The following SRD5A3 variants were observed in gnomAD, a reference collection of about 807,000 sequenced individuals.
SRD5A3 encodes polyprenal reductase.
SRD5A3 carries 24 observed loss-of-function variants against 34.3 expected under a neutral mutation model. That is an observed-to-expected ratio of 0.70 (90% confidence interval 0.51 to 0.99). The LOEUF (loss-of-function observed/expected upper bound fraction) is 0.99, where lower values mean the gene tolerates loss of function less well. SRD5A3 is among the 50% of genes least tolerant of loss of function. SRD5A3 has a pLI of 0.00. For missense variants in SRD5A3, 350 were observed against 388.2 expected, an observed-to-expected ratio of 0.90 and a Z score of 0.83; for synonymous variants, 161 against 167.3, an observed-to-expected ratio of 0.96 and a Z score of 0.29.
At position 55,369,931 on chromosome 4, in the gene SRD5A3, T is replaced by A; in HGVS notation, c.797T>A (p.Met266Lys). The A allele has an allele frequency of 6.2e-7, 1 of 1,614,212 alleles. No individual in the cohort carries two copies. The highest frequency in any genetic ancestry group is 1.1e-5 in the South Asian group (1 of 91,080). ...GCAGAGCTGATGATCTACGTTTCCA[T>A]GGCCGTCACCTTTGGGTTCCACAAC... ...YLAELMIYVS[M>K]AVTFGFHNLT... Residue 266 changes from methionine (M) to lysine (K), a missense_variant, in exon 5 of 5, where the codon ATG (methionine) becomes AAG (lysine). Physicochemically the swap from Met to Lys is moderately conservative, Grantham distance 95. This residue lies in a region of SRD5A3 where 186 missense variants were observed against 221.4 expected (regional missense o/e 0.84). Transcript: ENST00000264228.
In SRD5A3 at chr4:55,361,821, C is replaced by T. The variant is rs544287143; in HGVS notation, c.365-2253C>T. On this transcript the variant is annotated intron_variant, in intron 2 of 4. Coordinates refer to ENST00000264228, the MANE Select transcript of SRD5A3 (RefSeq NM_024592.5). ...TCCATCTAAAAAAAAAGAGCAAACC[C>T]GTGGACATCCTCTTTGGAAGGGTAG... Among the ~76,000 whole-genome samples the T allele has an allele frequency of 3.9e-5, 6 of 151,950 alleles. No homozygotes were observed. The South Asian group carries it at 1.2e-3, about 32-fold the overall frequency.
rs1197095728 is a variant in SRD5A3, at chr4:55,360,150, G to A, written c.364+662G>A. On this transcript the variant is annotated intron_variant, in intron 2 of 4. Transcript: ENST00000264228. ...GAATGGCATGAACCCGAGAGGCGGA[G>A]CTTGCAGTGAGCTGAGATCGGGCCA... Among the ~76,000 whole-genome samples the A allele has an allele frequency of 4.0e-5, 6 of 151,402 alleles. No homozygotes were observed. In the East Asian group the frequency reaches 1.2e-3, roughly 29 times the overall value.
At chr4:55,368,883 C>T (rs1219153647) in intron 4 of SRD5A3, among the ~76,000 whole-genome samples, 4 of 151,942 alleles carry the variant, frequency 2.6e-5, no homozygotes, top group South Asian at 2.1e-4. Context: ...GGATTACAGG[C>T]GTGTGCCACC....
chr4:55,365,646 A>G (rs1224450166), intron 3 of SRD5A3: 1 of 152,182 alleles, frequency 6.6e-6, no homozygotes, highest in East Asian at 1.9e-4. Flanking sequence ...CTGCGTCTCA[A>G]CTTCTGCCTT....
chr4:55,367,091 C>T (rs776402035), intron 3 of SRD5A3: 7 of 188,158 alleles, frequency 3.7e-5, no homozygotes, highest in Admixed American at 1.1e-4. Context: ...GTCAAGTCAG[C>T]ATTCTGCTTT....
chr4:55,368,403 T>TATTC (rs1274575614), intron 4 of SRD5A3, among the ~76,000 whole-genome samples: 1 of 79,230 alleles, frequency 1.3e-5, no homozygotes, highest in Non-Finnish European at 3.0e-5. Flanking sequence ...TAGTTTTATT[T>TATTC]ATTTATTTAT....
intron 2 of SRD5A3, chr4:55,363,847 C>G: frequency 1.7e-6 from 1 of 573,250 alleles, no homozygotes; most frequent in Non-Finnish European, 3.1e-6. Context: ...CACAATGAAG[C>G]AGAATTGAGT....
chr4:55,355,656 C>T (rs1049111440), intron 1 of SRD5A3, among the ~76,000 whole-genome samples: 13 of 152,190 alleles, frequency 8.5e-5, no homozygotes, highest in African/African-American at 2.9e-4. Context: ...TAAATTGGTA[C>T]GTGTAACATA....
intron 2 of SRD5A3, 56 bp downstream of exon 2, chr4:55,359,544 T>G: frequency 6.2e-7 from 1 of 1,611,192 alleles, no homozygotes; most frequent in South Asian, 1.1e-5. Context: ...TGTTCCTGTC[T>G]GCAAGGGAGC....
chr4:55,353,517 G>A (rs971417300), intron 1 of SRD5A3, among the ~76,000 whole-genome samples: 1 of 152,214 alleles, frequency 6.6e-6, no homozygotes, highest in African/African-American at 2.4e-5. Context: ...ACCCGAGCCA[G>A]CAGCGCCAAG....
chr4:55,365,784 T>TG (rs35046886), intron 3 of SRD5A3: 2 of 152,206 alleles, frequency 1.3e-5, no homozygotes, highest in African/African-American at 4.8e-5. Flanking sequence ...TAGGACAATA[T>TG]GGGGAAAGTT....
At chr4:55,363,983 G>C (rs1157829846) in intron 2 of SRD5A3, 91 bp from the exon 3 acceptor site, 18 of 1,294,964 alleles carry the variant, frequency 1.4e-5, no homozygotes, top group Non-Finnish European at 1.9e-5. Context: ...TGTTAGATGG[G>C]ATTTAATACT....
rs1420664780 is a variant in SRD5A3 at position 55,370,094 on chromosome 4, T to A, written c.*3T>A. 1 of 1,612,936 alleles carries A rather than the reference T, an allele frequency of 6.2e-7. No individual in the cohort carries two copies. The highest frequency in any genetic ancestry group is 1.1e-5 in the South Asian group (1 of 91,030). On this transcript the variant is annotated 3_prime_UTR_variant, in exon 5 of 5. Coordinates refer to ENST00000264228, the MANE Select transcript of SRD5A3 (RefSeq NM_024592.5). ...CTTTCCTACCATTTTTGTTTTAAGT[T>A]AACCTCAGTCATGAAGAATGCAAAC...
At chr4:55,363,931 A>T in intron 2 of SRD5A3, 143 bp from the exon 3 acceptor site, 1 of 831,764 alleles carries the variant, frequency 1.2e-6, no homozygotes, top group South Asian at 1.4e-5. Context: ...AAATTCCTTG[A>T]CTTCATTTGG....
chr4:55,352,932 A>T (rs770450893), intron 1 of SRD5A3, among the ~76,000 whole-genome samples: 31 of 152,294 alleles, frequency 2.0e-4, no homozygotes, highest in Middle Eastern at 3.4e-3. Flanking sequence ...ACATAGAAGG[A>T]TGGATGGGGT....
At position 55,357,341 on chromosome 4, in the gene SRD5A3, G is replaced by A. The variant is rs577711084; in HGVS notation, c.222-2005G>A. Among the ~76,000 whole-genome samples the A allele has an allele frequency of 1.1e-4, 16 of 152,314 alleles. No individual in the cohort carries two copies. In the South Asian group the frequency reaches 2.3e-3, roughly 22 times the overall value. ...AAATATTTGTGAAAAAATTAAGTAC[G>A]TAAAGTGGCTGGTCCAGAAATTGTC... is the stretch of plus-strand genomic sequence containing the variant. On this transcript the variant is annotated intron_variant, in intron 1 of 4. Coordinates refer to ENST00000264228, the MANE Select transcript of SRD5A3 (RefSeq NM_024592.5).
intron 1 of SRD5A3, among the ~76,000 whole-genome samples, chr4:55,356,916 C>G (rs1016614839): frequency 1.3e-5 from 2 of 152,168 alleles, no homozygotes; most frequent in African/African-American, 4.8e-5. Context: ...GTCCTCTCCC[C>G]ACTCCTGCCT....
rs556958924 is a variant in SRD5A3 at position 55,365,967 on chromosome 4, C to G, written c.563-1621C>G. On this transcript the variant is annotated intron_variant, in intron 3 of 4. Coordinates refer to ENST00000264228, the MANE Select transcript of SRD5A3 (RefSeq NM_024592.5). ...TGACACATACTGATTTCACAGGGTT[C>G]TTCTTAAAGTGAAAAGAAGACTATC... Among the ~76,000 whole-genome samples the G allele has an allele frequency of 1.4e-4, 21 of 152,326 alleles. No homozygotes were observed. The East Asian group carries it at 4.0e-3, about 29-fold the overall frequency.
chr4:55,360,214 C>A (rs1211445329), intron 2 of SRD5A3, among the ~76,000 whole-genome samples: 34 of 139,716 alleles, frequency 2.4e-4, no homozygotes, highest in Non-Finnish European at 2.3e-4. Flanking sequence ...GACTGTGTTT[C>A]AAAAAAAAAA....
Sources: gnomAD v4.1 joint callset for allele counts (sites outside exome capture counted in the v4.1 genomes callset) on GRCh38, gnomAD v4.1.1 for gene constraint, gnomAD v4.1.1 regional missense constraint, MANE v1.5 for transcripts, NCBI Gene and HGNC (gene_info 2026-07-23, HGNC 2026-07-21) for gene names.